Variants in ERICH1 observed in about 807,000 individuals in gnomAD.
The protein encoded by ERICH1 is glutamate rich 1.
Under a neutral mutation model 39.6 loss-of-function variants are expected in ERICH1, and 56 were observed. The observed-to-expected ratio is 1.41, with a 90% CI of 1.14 to 1.77. The LOEUF (loss-of-function observed/expected upper bound fraction) is 1.77, where lower values mean the gene tolerates loss of function less well. Ranked by LOEUF, ERICH1 falls within the 40% of genes most tolerant of loss-of-function variation. The probability of loss-of-function intolerance (pLI) is 0.00; values close to 1 mark genes in which losing one functional copy is unlikely to be tolerated. For missense variants in ERICH1, 826 were observed against 575.4 expected (o/e 1.44, Z -4.45); for synonymous variants, 313 against 223.6 (o/e 1.40, Z -3.57).
intron 3 of ERICH1, among the ~76,000 whole-genome samples, chr8:678,392 A>G (rs1805346751): frequency 6.7e-5 from 9 of 135,316 alleles, no homozygotes; most frequent in Admixed American, 6.3e-4. Context: ...ATCCGTTAGA[A>G]ACAGATTCCT....
At chr8:708,014 C>G (rs990111805) in intron 2 of ERICH1, among the ~76,000 whole-genome samples, 1 of 151,946 alleles carries the variant, frequency 6.6e-6, no homozygotes, top group Non-Finnish European at 1.5e-5. Flanking sequence ...AGAAGATACA[C>G]AAATGGACAA....
At chr8:707,181 T>C (rs545142445) in intron 2 of ERICH1, among the ~76,000 whole-genome samples, 2 of 150,140 alleles carry the variant, frequency 1.3e-5, no homozygotes, top group Admixed American at 1.3e-4. Flanking sequence ...AAACCCCACA[T>C]CTGTGGCCAA....
chr8:675,055 G>A (rs1486848160), intron 3 of ERICH1, among the ~76,000 whole-genome samples: 1 of 152,244 alleles, frequency 6.6e-6, no homozygotes, highest in African/African-American at 2.4e-5. Context: ...TGGGGAGAGG[G>A]TGGGCAGGAA....
chr8:726,081 G>A (rs976940638), intron 1 of ERICH1, among the ~76,000 whole-genome samples: 3 of 152,100 alleles, frequency 2.0e-5, no homozygotes, highest in African/African-American at 4.8e-5. Context: ...TCCCACACAC[G>A]GGGCCAGAAT....
In ERICH1 at chr8:685,076, C is replaced by T. The variant is rs894000405; in HGVS notation, c.304+7402G>A. On this transcript the variant is annotated intron_variant, in intron 3 of 5. Transcript: ENST00000262109. ...CTCCTAATCCTAGCAAGCCTGGGGG[C>T]GCTGCAGGAGACCAGGGCGTGTTTC... Among the ~76,000 whole-genome samples the T allele has an allele frequency of 1.8e-4, 27 of 152,280 alleles. No individual in the cohort carries two copies. In the East Asian group the frequency reaches 2.1e-3, roughly 12 times the overall value.
intron 2 of ERICH1, 30 bp from the exon 3 acceptor site, chr8:692,642 T>C: frequency 6.5e-7 from 1 of 1,545,170 alleles, no homozygotes; most frequent in Non-Finnish European, 8.7e-7. Flanking sequence ...TAACAGGAAC[T>C]GGTAAATATC....
chr8:616,420 A>G (rs2116990446), intron 3 of ERICH1: 1 of 416,258 alleles, frequency 2.4e-6, no homozygotes, highest in Middle Eastern at 6.9e-4. Flanking sequence ...GGCTGACCGA[A>G]CCCCGCACAC....
At position 664,231 on chromosome 8, in the gene ERICH1, A is replaced by G. The variant is rs749842371; in HGVS notation, c.*372T>C. On this transcript the variant is annotated 3_prime_UTR_variant, in exon 6 of 6. Coordinates refer to ENST00000262109, the MANE Select transcript of ERICH1 (RefSeq NM_207332.3). ...AACTAGAACATTTTAATACCCAGAA[A>G]GCATTCTTAAAGCAGAGACTTTCAG... The G allele has an allele frequency of 1.0e-6, 1 of 994,310 alleles. No homozygotes were observed. The highest frequency in any genetic ancestry group is 1.2e-6 in the Non-Finnish European group (1 of 835,950). 61.6% of individuals were successfully genotyped at this position (994,310 alleles called of 1,614,324 possible). A position where few individuals can be genotyped will look rare whatever the true frequency, so the allele number is the denominator to read the frequency against.
chr8:650,822 C>T (rs1799852819), intron 3 of ERICH1, among the ~76,000 whole-genome samples: 1 of 152,248 alleles, frequency 6.6e-6, no homozygotes, highest in African/African-American at 2.4e-5. Flanking sequence ...GCTGCAGCCA[C>T]CGCAGGAGGC....
At chr8:711,788 C>T (rs768780204) in intron 2 of ERICH1, among the ~76,000 whole-genome samples, 40 of 152,168 alleles carry the variant, frequency 2.6e-4, no homozygotes, top group Non-Finnish European at 5.0e-4. Context: ...TGATCCACCG[C>T]GCCCAGTCCA....
chr8:627,296 G>A, intron 3 of ERICH1: 1 of 436,770 alleles, frequency 2.3e-6, no homozygotes. Flanking sequence ...TGTATAACAG[G>A]CCAGGGGCTG....
At chr8:689,681 C>A (rs925280) in intron 3 of ERICH1, among the ~76,000 whole-genome samples, 77,148 of 151,962 alleles carry the variant, frequency 0.51, 19,520 homozygotes, top group Middle Eastern at 0.61. Context: ...TTTCCGGCAC[C>A]GTGGCATAGG....
chr8:628,182 G>C (rs1797709042), intron 3 of ERICH1, among the ~76,000 whole-genome samples: 1 of 152,248 alleles, frequency 6.6e-6, no homozygotes, highest in Non-Finnish European at 1.5e-5. Context: ...GAAGTGCTGT[G>C]TGTGGAAATT....
At chr8:671,113 C>T (rs1803237005) in intron 4 of ERICH1, among the ~76,000 whole-genome samples, 1 of 151,766 alleles carries the variant, frequency 6.6e-6, no homozygotes, top group African/African-American at 2.4e-5. Flanking sequence ...TCACTGGTCC[C>T]CAGGCTCCGA....
intron 5 of ERICH1, among the ~76,000 whole-genome samples, chr8:664,961 T>C (rs573510137): frequency 6.6e-6 from 1 of 152,170 alleles, no homozygotes; most frequent in Non-Finnish European, 1.5e-5. Flanking sequence ...CTTCAAAACA[T>C]CACATTGCAA....
intron 3 of ERICH1, among the ~76,000 whole-genome samples, chr8:686,030 C>T (rs932410796): frequency 1.3e-5 from 2 of 149,916 alleles, no homozygotes; most frequent in African/African-American, 2.5e-5. Flanking sequence ...TGTAGTGGTG[C>T]GCACCTGTGG....
At chr8:685,676 A>G (rs1344743648) in intron 3 of ERICH1, among the ~76,000 whole-genome samples, 2 of 152,232 alleles carry the variant, frequency 1.3e-5, no homozygotes, top group Non-Finnish European at 2.9e-5. Flanking sequence ...TCACGCCTTC[A>G]GCCGGTCCCT....
chr8:647,645 G>A (rs1314533376), intron 3 of ERICH1, among the ~76,000 whole-genome samples: 4 of 66,844 alleles, frequency 6.0e-5, no homozygotes, highest in African/African-American at 1.6e-4. Context: ...CAGGTGACCC[G>A]GGAAGCTGTC....
intron 3 of ERICH1, among the ~76,000 whole-genome samples, chr8:638,404 C>G (rs921706088): frequency 4.6e-5 from 7 of 152,250 alleles, no homozygotes; most frequent in African/African-American, 1.7e-4. Context: ...ATACAGCTTC[C>G]GTTACAGTGC....
Sources: allele counts gnomAD v4.1 joint callset (sites outside exome capture counted in the v4.1 genomes callset), GRCh38; gene constraint gnomAD v4.1.1; transcripts MANE v1.5; gene names NCBI Gene and HGNC (gene_info 2026-07-23, HGNC 2026-07-21).